TFDP2: variants seen among roughly 807,000 people sequenced by gnomAD.
The protein encoded by TFDP2 is transcription factor Dp-2 (E2F dimerization partner 2).
A neutral mutation model predicts 59.3 loss-of-function variants in TFDP2; 17 were observed. The observed-to-expected ratio is 0.29, with a 90% CI of 0.20 to 0.43. The LOEUF is 0.43. Ranked by LOEUF, TFDP2 falls within the 20% of genes least tolerant of loss-of-function variation. The pLI is 1.00. For synonymous variants in TFDP2, 180 were observed against 194.7 expected (o/e 0.92, Z 0.63); for missense variants, 391 against 528.8 (o/e 0.74, Z 2.56).
At chr3:142,063,818 G>A (rs1404568712) in intron 3 of TFDP2, among the ~76,000 whole-genome samples, 1 of 149,648 alleles carries the variant, frequency 6.7e-6, no homozygotes, top group Non-Finnish European at 1.5e-5. Context: ...CGTAGTATTA[G>A]ACACATAGCA....
At chr3:142,132,744 CAAAA>C (rs199517533) in intron 1 of TFDP2, among the ~76,000 whole-genome samples, 1 of 61,562 alleles carries the variant, frequency 1.6e-5, no homozygotes, top group African/African-American at 6.6e-5. Context: ...GACGCTATCT[CAAAA>C]AAAAAAAAAA....
At chr3:142,100,140 C>T (rs1560143281) in intron 2 of TFDP2, among the ~76,000 whole-genome samples, 2 of 152,202 alleles carry the variant, frequency 1.3e-5, no homozygotes, top group Admixed American at 6.5e-5. Context: ...CGCTATTGTT[C>T]GGCTGCATAA....
At chr3:142,134,932 A>G (rs1477794444) in intron 1 of TFDP2, among the ~76,000 whole-genome samples, 1 of 152,106 alleles carries the variant, frequency 6.6e-6, no homozygotes, top group African/African-American at 2.4e-5. Context: ...CAAACACAGT[A>G]ACTTTTCTGG....
At chr3:142,093,235 C>G (rs2061055823) in intron 2 of TFDP2, 108 bp from the exon 3 acceptor site, 1 of 595,266 alleles carries the variant, frequency 1.7e-6, no homozygotes, top group South Asian at 2.9e-5. Flanking sequence ...ATATATATAG[C>G]CACATCAAAT....
At chr3:142,055,290 A>G (rs2059703149) in intron 3 of TFDP2, among the ~76,000 whole-genome samples, 1 of 152,020 alleles carries the variant, frequency 6.6e-6, no homozygotes, top group Admixed American at 6.5e-5. Context: ...TATTTGGTAT[A>G]TGTACTTGGA....
At chr3:141,956,758 CAA>C (rs78741276) in intron 11 of TFDP2, among the ~76,000 whole-genome samples, 11 of 130,564 alleles carry the variant, frequency 8.4e-5, no homozygotes, top group Non-Finnish European at 8.3e-5. Context: ...CCAAACATAT[CAA>C]AAAAAAAAAA....
intron 3 of TFDP2, among the ~76,000 whole-genome samples, chr3:142,007,859 G>T (rs766122530): frequency 6.6e-6 from 1 of 152,128 alleles, no homozygotes; most frequent in Non-Finnish European, 1.5e-5. Flanking sequence ...GCAGTGATGC[G>T]AGTGATGGGG....
chr3:142,107,707 G>A (rs970283799), intron 1 of TFDP2, among the ~76,000 whole-genome samples: 8 of 152,028 alleles, frequency 5.3e-5, no homozygotes, highest in Non-Finnish European at 7.4e-5. Context: ...GAGAGTTCAA[G>A]CAATTTTCCC....
At chr3:141,989,881 A>ATTATT (rs749856211) in intron 6 of TFDP2, among the ~76,000 whole-genome samples, 3,936 of 149,488 alleles carry the variant, frequency 0.026, 66 homozygotes, top group Middle Eastern at 0.077. Context: ...TTACTTTAAT[A>ATTATT]ATAATAATAA....
At chr3:141,965,634 G>T (rs981816989) in intron 9 of TFDP2, among the ~76,000 whole-genome samples, 1 of 150,818 alleles carries the variant, frequency 6.6e-6, no homozygotes, top group Non-Finnish European at 1.5e-5. Context: ...AAAAAGAAAA[G>T]AAAAGAAAAG....
At chr3:141,959,907 A>G (rs1036276572) in intron 10 of TFDP2, 67 bp from the exon 11 acceptor site, 25 of 1,506,506 alleles carry the variant, frequency 1.7e-5, no homozygotes, top group East Asian at 1.4e-4. Context: ...TTTGTATTCT[A>G]TAGTTTAAGT....
At position 142,093,109 on chromosome 3, in the gene TFDP2, T is replaced by C. The variant is rs768793404; in HGVS notation, c.34A>G (p.Asn12Asp). 2 of 1,541,754 alleles carry C rather than the reference T, an allele frequency of 1.3e-6. No homozygotes were observed. The highest frequency in any genetic ancestry group is 1.2e-5 in the South Asian group (1 of 83,810). Residue 12 changes from asparagine to aspartate, a missense_variant, in exon 3 of 13, where the codon AAT becomes GAT. Physicochemically the swap from Asn to Asp is conservative, Grantham distance 23. Transcript: ENST00000489671. ...TAKNVGLTST[N>D]AEVRGFIDQN... ...TCTATAAATCCTCTTACTTCTGCAT[T>C]TGTGGAAGTCAAACCAACCTGAATA...
At chr3:142,101,393 G>A (rs1190290939) in intron 2 of TFDP2, among the ~76,000 whole-genome samples, 2 of 150,556 alleles carry the variant, frequency 1.3e-5, no homozygotes, top group Admixed American at 1.3e-4. Flanking sequence ...AGAAAACAGT[G>A]ATTTGCTCAA....
intron 1 of TFDP2, among the ~76,000 whole-genome samples, chr3:142,140,876 G>A (rs996084587): frequency 6.6e-6 from 1 of 152,190 alleles, no homozygotes; most frequent in Non-Finnish European, 1.5e-5. Flanking sequence ...TCCATTCTCA[G>A]AGCTCAAACA....
intron 3 of TFDP2, among the ~76,000 whole-genome samples, chr3:142,054,547 T>C (rs1576852442): frequency 6.6e-6 from 1 of 152,222 alleles, no homozygotes; most frequent in African/African-American, 2.4e-5. Context: ...GGGGTTACCG[T>C]GTATCTCAGG....
At position 141,947,820 on chromosome 3, in the gene TFDP2, G is replaced by C. The variant is rs1935416677; in HGVS notation, c.*4693C>G. 6.6e-6 allele frequency: 1 copy of C among 152,152 alleles called. No individual in the cohort carries two copies. Among genetic ancestry groups the C allele is most frequent in the African/African-American group, 2.4e-5 (1 of 41,418 alleles). 9.4% of individuals were successfully genotyped at this position (152,152 alleles called of 1,614,324 possible). ...CAGAGTGGCTTGTTAAGAAAGTATAGAGACATCTGTCTTTCCACCATCTGA... is the reference window on the plus strand; with the variant it reads ...CAGAGTGGCTTGTTAAGAAAGTATACAGACATCTGTCTTTCCACCATCTGA... On this transcript the variant is annotated 3_prime_UTR_variant, in exon 13 of 13. Transcript: ENST00000489671.
intron 1 of TFDP2, among the ~76,000 whole-genome samples, chr3:142,141,863 A>G (rs928557501): frequency 6.6e-6 from 1 of 152,184 alleles, no homozygotes; most frequent in Non-Finnish European, 1.5e-5. Context: ...ATATGTTGCA[A>G]AAGGACATAT....
At chr3:142,078,838 GT>G (rs1308272948) in intron 3 of TFDP2, among the ~76,000 whole-genome samples, 2 of 152,050 alleles carry the variant, frequency 1.3e-5, no homozygotes, top group African/African-American at 4.8e-5. Flanking sequence ...AGGAAAAGAG[GT>G]ATGTGACCTT....
rs373141132 is a variant in TFDP2 at position 141,952,692 on chromosome 3, T to G, written c.1162A>C (p.Asn388His). ...TGATLPQSSV[N>H]QGLCLDAEVA... ...TCTGCATCCAAGCATAACCCTTGGTTTACACTAGCAAACAATTAAAAACAC... is the reference window on the plus strand; with the variant it reads ...TCTGCATCCAAGCATAACCCTTGGTGTACACTAGCAAACAATTAAAAACAC... The change falls in exon 13 of 13, where the codon AAC (asparagine) becomes CAC (histidine). Residue 388 changes from asparagine (N) to histidine (H), a missense_variant. Transcript: ENST00000489671. 2 of 1,609,292 alleles carry G rather than the reference T, an allele frequency of 1.2e-6. No homozygotes were observed. The highest frequency in any genetic ancestry group is 1.7e-6 in the Non-Finnish European group (2 of 1,178,970).
Sources: allele counts gnomAD v4.1 joint callset (sites outside exome capture counted in the v4.1 genomes callset), GRCh38; gene constraint gnomAD v4.1.1; transcripts MANE v1.5; gene names NCBI Gene and HGNC (gene_info 2026-07-23, HGNC 2026-07-21).